The following HEXD variants were observed in gnomAD, a reference collection of about 807,000 sequenced individuals.
The protein encoded by HEXD is N-acetyl-beta-galactosaminidase.
In HEXD, 47 loss-of-function variants were observed where a neutral mutation model predicts 54.2. That is an observed-to-expected ratio of 0.87 (90% CI 0.69 to 1.11). The LOEUF (loss-of-function observed/expected upper bound fraction) is 1.11, where lower values mean the gene tolerates loss of function less well. Among genes scored for constraint, HEXD ranks in the 50% least tolerant of loss-of-function variants. The pLI is 0.00. For synonymous variants in HEXD, 293 were observed against 287.6 expected, an observed-to-expected ratio of 1.02 and a Z score of -0.19; for missense variants, 576 against 649.2, an observed-to-expected ratio of 0.89 and a Z score of 1.23.
At chr17:82,424,373 C>G (rs771144269) in intron 2 of HEXD, 21 bp from the exon 3 acceptor site, 38 of 1,557,082 alleles carry the variant, frequency 2.4e-5, no homozygotes, top group Non-Finnish European at 3.2e-5. Context: ...TCTTCCTAAC[C>G]CCTCCCTGTT....
In HEXD at chr17:82,428,593, G is replaced by A. The variant is rs1359598696; in HGVS notation, c.230G>A (p.Gly77Glu). 6.2e-6 allele frequency: 10 copies of A among 1,613,390 alleles called. No individual in the cohort carries two copies. Among genetic ancestry groups the A allele is most frequent in the Non-Finnish European group, 8.5e-6 (10 of 1,179,476 alleles). Reference sequence around the variant, plus strand: ...ATCAAAGAGATCTTGCATCTGGCTGGACTCAATGAGCTGGAGGTGATTCCC... The same window carrying A: ...ATCAAAGAGATCTTGCATCTGGCTGAACTCAATGAGCTGGAGGTGATTCCC... ...SEIKEILHLA[G>E]LNELEVIPLV... The change falls in exon 4 of 13, where the codon GGA (glycine) becomes GAA (glutamate). Residue 77 changes from glycine to glutamate, a missense_variant. By Grantham distance (98) the Gly-to-Glu change is moderately conservative. Coordinates refer to ENST00000327949, the MANE Select transcript of HEXD (RefSeq NM_001330542.2).
chr17:82,441,376 AGGTGAGCGGGCAGGCATGGGGCAGGTGCG>A, intron 11 of HEXD, 110 bp downstream of exon 11: 2 of 1,016,972 alleles, frequency 2.0e-6, no homozygotes, highest in Non-Finnish European at 2.7e-6. Flanking sequence ...GGGCAGGTGC[AGGTGAGCGGGCAGGCATGGGGCAGGTGCG>A]GGTGAGGGGC....
At chr17:82,440,930 GTCCCAATGTAGCC>G (rs2053924687) in intron 9 of HEXD, 54 bp from the exon 10 acceptor site, 2 of 1,557,422 alleles carry the variant, frequency 1.3e-6, no homozygotes, top group Non-Finnish European at 1.8e-6. Context: ...AGGCCTGCAG[GTCCCAATGTAGCC>G]CCCTCCCCTC....
intron 4 of HEXD, among the ~76,000 whole-genome samples, chr17:82,431,268 C>T (rs971732181): frequency 7.9e-5 from 12 of 152,164 alleles, no homozygotes; most frequent in Admixed American, 2.6e-4. Flanking sequence ...CCTCTCGGAG[C>T]GCTGGGATTA....
chr17:82,419,809 T>G lies in HEXD; in HGVS notation c.10T>G (p.Ser4Ala), dbSNP rs2053177930. 6.2e-7 allele frequency: 1 copy of G among 1,605,786 alleles called. No individual in the cohort carries two copies. Among genetic ancestry groups the G allele is most frequent in the African/African-American group, 1.3e-5 (1 of 74,610 alleles). ...CACAGGAAATATTGAAATGTCAGGT[T>G]CCACTCCATTTCAGATGAGATTAGT... The part of the protein sequence containing the change: MSG[S>A]TPFQMRLVHL... Residue 4 changes from serine (S) to alanine (A), a missense_variant, in exon 2 of 13, where the codon TCC (serine) becomes GCC (alanine). By Grantham distance (99) the Ser-to-Ala change is moderately conservative. Coordinates refer to ENST00000327949, the MANE Select transcript of HEXD (RefSeq NM_001330542.2).
At chr17:82,435,634 C>CTCT in intron 5 of HEXD, 55 bp from the exon 6 acceptor site, 3 of 1,552,268 alleles carry the variant, frequency 1.9e-6, no homozygotes, top group Non-Finnish European at 2.6e-6. Context: ...ACCCCGGACC[C>CTCT]TCCCACCGGT....
At position 82,424,407 on chromosome 17, in the gene HEXD, T is replaced by G. The variant is rs769872781; in HGVS notation, c.98T>G (p.Phe33Cys). The change falls in exon 3 of 13, where the codon TTC becomes TGC. Residue 33 changes from phenylalanine (F) to cysteine (C), a missense_variant. Physicochemically the swap from Phe to Cys is radical, Grantham distance 205 (BLOSUM62 -2). Coordinates refer to ENST00000327949, the MANE Select transcript of HEXD (RefSeq NM_001330542.2). ...VSYLSEIFPL[F>C]RALGANGLLI... is the part of the protein sequence containing the mutation. ...TTTACCCCCCAGATTTTTCCTCTGT[T>G]CCGTGCGCTAGGTGCAAACGGCCTC... The G allele has an allele frequency of 6.2e-6, 10 of 1,613,762 alleles. No individual in the cohort carries two copies. The African/African-American group carries it at 1.3e-4, about 22-fold the overall frequency.
intron 3 of HEXD, among the ~76,000 whole-genome samples, chr17:82,425,291 G>A (rs1288656153): frequency 6.6e-6 from 1 of 151,072 alleles, no homozygotes; most frequent in African/African-American, 2.4e-5. Context: ...GGTTAGAGAA[G>A]GCTAGATAAG....
chr17:82,429,978 A>G (rs1434945076), intron 4 of HEXD, among the ~76,000 whole-genome samples: 1 of 152,050 alleles, frequency 6.6e-6, no homozygotes, highest in Non-Finnish European at 1.5e-5. Context: ...TCTGGTGTGC[A>G]AACCAGAAGC....
At chr17:82,423,713 T>TG (rs1229326303) in intron 2 of HEXD, 1 of 147,588 alleles carries the variant, frequency 6.8e-6, no homozygotes, top group African/African-American at 2.5e-5. Context: ...CTCGGGAGGC[T>TG]GGGGCAGGAG....
rs2053899217 is a variant in HEXD at position 82,440,419 on chromosome 17, G to C, written c.983-578G>C. 3.0e-5 allele frequency: 25 copies of C among 825,316 alleles called. No individual in the cohort carries two copies. In the South Asian group the frequency reaches 4.3e-4, roughly 14 times the overall value. The allele number at this position is 825,316 out of a possible 1,614,324, so 51.1% of individuals were successfully genotyped here. A position where few individuals can be genotyped will look rare whatever the true frequency, so the allele number is the denominator to read the frequency against. On this transcript the variant is annotated intron_variant, in intron 9 of 12. Transcript: ENST00000327949. ...GAAAGGGGCAGAAACGATAAAAACAGACACCCCTGTACCCCACACTAAAGA... is the reference window on the plus strand; with the variant it reads ...GAAAGGGGCAGAAACGATAAAAACACACACCCCTGTACCCCACACTAAAGA...
intron 11 of HEXD, 50 bp downstream of exon 11, chr17:82,441,316 G>T: frequency 6.5e-7 from 1 of 1,528,032 alleles, no homozygotes. Flanking sequence ...CAGGCATGGG[G>T]CGGGTGCAGG....
Position 82,436,662 on chromosome 17 carries a change from T to C in HEXD, c.632-5T>C, listed in dbSNP as rs753125648. 6.2e-7 allele frequency: 1 copy of C among 1,608,378 alleles called. No individual in the cohort carries two copies. Among genetic ancestry groups the C allele is most frequent in the South Asian group, 1.1e-5 (1 of 90,274 alleles). ...TCACCAACCTCACGTCCGCTCTGTC[T>C]GCAGCGTCCGGGGTGCCGCAGCTGG... On this transcript the variant is annotated splice_polypyrimidine_tract_variant and splice_region_variant and intron_variant, in intron 6 of 12. Coordinates refer to ENST00000327949, the MANE Select transcript of HEXD (RefSeq NM_001330542.2).
chr17:82,430,865 ACT>A (rs1254662932), intron 4 of HEXD, among the ~76,000 whole-genome samples: 1 of 150,188 alleles, frequency 6.7e-6, no homozygotes, highest in East Asian at 2.0e-4. Context: ...ATTTCTAAAA[ACT>A]CTTTGTGATC....
chr17:82,435,315 A>G (rs1474870384), intron 5 of HEXD, among the ~76,000 whole-genome samples: 2 of 152,080 alleles, frequency 1.3e-5, no homozygotes, highest in Non-Finnish European at 2.9e-5. Flanking sequence ...GTACCGAGTC[A>G]CACAGTGTAT....
rs756898423 is a variant in HEXD, at chr17:82,442,334, C to T, written c.1411C>T (p.Pro471Ser). Residue 471 changes from proline (P) to serine (S), a missense_variant, in exon 13 of 13, where the codon CCC (proline) becomes TCC (serine). Pro to Ser is a moderately conservative substitution (Grantham distance 74). Coordinates refer to ENST00000327949, the MANE Select transcript of HEXD (RefSeq NM_001330542.2). The surrounding 1 kb of genome is among the most constrained non-coding windows in gnomAD (Gnocchi z 6.8). ...GCAGGACCTCAGCGAGGTGTCTGCC[C>T]CCCCGCTGCCACCCACCAGCCCTGG... Reference protein sequence around the residue: ...LLQDLSEVSAPPLPPTSPGRD... With the variant: ...LLQDLSEVSASPLPPTSPGRD... The T allele has an allele frequency of 3.1e-6, 5 of 1,610,834 alleles. No individual in the cohort carries two copies. The South Asian group carries it at 3.3e-5, about 11-fold the overall frequency.
In HEXD at chr17:82,432,332, C is replaced by T. The variant is rs570232540; in HGVS notation, c.283-1326C>T. 2.0e-5 allele frequency among the ~76,000 whole-genome samples: 3 copies of T among 152,172 alleles called. No homozygotes were observed. In the South Asian group the frequency reaches 6.2e-4, roughly 32 times the overall value. ...AAATCTGCAGCCAGTCTTGGCTCTC[C>T]CCAGCAGGGACTGCACCCTCTGGCA... On this transcript the variant is annotated intron_variant, in intron 4 of 12. Coordinates refer to ENST00000327949, the MANE Select transcript of HEXD (RefSeq NM_001330542.2).
intron 2 of HEXD, among the ~76,000 whole-genome samples, chr17:82,423,938 C>T (rs1265454583): frequency 6.6e-6 from 1 of 151,894 alleles, no homozygotes; most frequent in Admixed American, 6.6e-5. Context: ...CAGGTGCTGA[C>T]CCCAACCCTT....
At chr17:82,435,229 C>T (rs751023790) in intron 5 of HEXD, among the ~76,000 whole-genome samples, 4 of 152,074 alleles carry the variant, frequency 2.6e-5, no homozygotes, top group Non-Finnish European at 1.5e-5. Context: ...GGGCAAGCCC[C>T]GCACCTGCCC....
Sources: allele counts gnomAD v4.1 joint callset (sites outside exome capture counted in the v4.1 genomes callset), GRCh38; gene constraint gnomAD v4.1.1; non-coding constraint Gnocchi (gnomAD v3.1); transcripts MANE v1.5; gene names NCBI Gene and HGNC (gene_info 2026-07-23, HGNC 2026-07-21).